Variants in PDGFC observed in about 807,000 individuals in gnomAD.
The protein encoded by PDGFC is platelet-derived growth factor C.
A neutral mutation model predicts 35.5 loss-of-function variants in PDGFC; 12 were observed. That is an observed-to-expected ratio of 0.34 (90% CI 0.22 to 0.55). PDGFC has a LOEUF of 0.55. Among genes scored for constraint, PDGFC ranks in the 20% least tolerant of loss-of-function variants. The pLI, the probability that PDGFC is intolerant of heterozygous loss-of-function variation, is 0.91. For synonymous variants in PDGFC, 159 were observed against 148.8 expected (o/e 1.07, Z -0.50); for missense variants, 322 against 412.4 (o/e 0.78, Z 1.90).
chr4:156,965,125 C>T (rs1346025116), intron 1 of PDGFC, among the ~76,000 whole-genome samples: 2 of 152,170 alleles, frequency 1.3e-5, no homozygotes, highest in African/African-American at 4.8e-5. Context: ...TTGGCACAAC[C>T]ATCACTACCA....
chr4:156,921,353 C>A (rs1731277090), intron 1 of PDGFC, among the ~76,000 whole-genome samples: 1 of 152,076 alleles, frequency 6.6e-6, no homozygotes, highest in South Asian at 2.1e-4. Flanking sequence ...ACTACCCACA[C>A]CCCAGCCTCA....
rs11323795 is a variant in PDGFC, at chr4:156,814,127, T to TA, written c.315-3111dup. On this transcript the variant is annotated intron_variant, in intron 2 of 5. Transcript: ENST00000502773. ...AAATCTCTATCTACTTTCTATGATT[T>TA]AAAAAAAAAATCCAGATTATCTTCA... 1.5e-4 allele frequency among the ~76,000 whole-genome samples: 22 copies of TA among 151,346 alleles called. No homozygotes were observed. The East Asian group carries it at 3.5e-3, about 24-fold the overall frequency.
chr4:156,946,002 G>T (rs2110922901), intron 1 of PDGFC, among the ~76,000 whole-genome samples: 1 of 152,166 alleles, frequency 6.6e-6, no homozygotes, highest in East Asian at 1.9e-4. Context: ...TAGTTATCAT[G>T]CCAACAAGAG....
chr4:156,850,296 A>G lies in PDGFC; in HGVS notation c.239T>C (p.Val80Ala). ...AAGTTGTATCCATACATTTTCCTCT[A>G]CTGCTACTAATCTCCATACCAAGAC... Reference protein sequence around the residue: ...NTVLVWRLVAVEENVWIQLTF... With the variant: ...NTVLVWRLVAAEENVWIQLTF... The change falls in exon 2 of 6, where the codon GTA (valine) becomes GCA (alanine). Residue 80 changes from valine (V) to alanine (A), a missense_variant. Val to Ala is a moderately conservative substitution (Grantham distance 64). Around this residue, in one of 2 missense-constraint regions of PDGFC, gnomAD observed 120 missense variants for 116.6 expected, o/e 1.03. Transcript: ENST00000502773. 1 of 1,610,944 alleles carries G rather than the reference A, an allele frequency of 6.2e-7. No individual in the cohort carries two copies. The highest frequency in any genetic ancestry group is 1.3e-5 in the African/African-American group (1 of 74,954).
chr4:156,793,616 T>C (rs972057892), intron 3 of PDGFC, among the ~76,000 whole-genome samples: 4 of 149,772 alleles, frequency 2.7e-5, no homozygotes, highest in African/African-American at 9.8e-5. Context: ...CTTTAAAATT[T>C]GTCCTTATAG....
At chr4:156,898,371 T>A (rs538972955) in intron 1 of PDGFC, among the ~76,000 whole-genome samples, 254 of 152,262 alleles carry the variant, frequency 1.7e-3, no homozygotes, top group Middle Eastern at 0.014. Context: ...AAAAAACAAG[T>A]TAAACACACT....
At chr4:156,897,147 G>A (rs982244075) in intron 1 of PDGFC, among the ~76,000 whole-genome samples, 18 of 152,222 alleles carry the variant, frequency 1.2e-4, no homozygotes, top group East Asian at 1.2e-3. Context: ...AGGCAGTAAG[G>A]TTAATTCTTC....
chr4:156,948,094 T>A (rs1461779878), intron 1 of PDGFC, among the ~76,000 whole-genome samples: 1 of 149,976 alleles, frequency 6.7e-6, no homozygotes, highest in Admixed American at 6.7e-5. Flanking sequence ...TGTCTATAAA[T>A]GAAGTCCATG....
At position 156,949,088 on chromosome 4, in the gene PDGFC, G is replaced by A. The variant is rs554647448; in HGVS notation, c.118+21698C>T. Among the ~76,000 whole-genome samples, 5 of 152,004 alleles carry A rather than the reference G, an allele frequency of 3.3e-5. No individual in the cohort carries two copies. In the South Asian group the frequency reaches 8.3e-4, roughly 25 times the overall value. ...CTCTGAAAACATCCAGTTCCTTGGTGATTTCTTCAAGAAAAGAGAGACTAT... is the reference window on the plus strand; with the variant it reads ...CTCTGAAAACATCCAGTTCCTTGGTAATTTCTTCAAGAAAAGAGAGACTAT... On this transcript the variant is annotated intron_variant, in intron 1 of 5. Coordinates refer to ENST00000502773, the MANE Select transcript of PDGFC (RefSeq NM_016205.3).
intron 1 of PDGFC, among the ~76,000 whole-genome samples, chr4:156,903,246 T>C: frequency 6.6e-6 from 1 of 152,120 alleles, no homozygotes; most frequent in East Asian, 1.9e-4. Context: ...AATATGATTA[T>C]GAAAATAATT....
chr4:156,966,395 T>C (rs1025834444), intron 1 of PDGFC, among the ~76,000 whole-genome samples: 1 of 152,132 alleles, frequency 6.6e-6, no homozygotes. Flanking sequence ...ACTTCTACCA[T>C]TTTGGTTGAT....
chr4:156,837,918 C>T (rs1729100504), intron 2 of PDGFC, among the ~76,000 whole-genome samples: 1 of 152,088 alleles, frequency 6.6e-6, no homozygotes, highest in South Asian at 2.1e-4. Context: ...AGCAGAATCC[C>T]TTGATCTCAG....
chr4:156,952,440 GT>G (rs1245839244), intron 1 of PDGFC, among the ~76,000 whole-genome samples: 2 of 151,854 alleles, frequency 1.3e-5, no homozygotes, highest in Admixed American at 1.3e-4. Flanking sequence ...AAAGTGTGGA[GT>G]TTTTTTGTTA....
intron 1 of PDGFC, among the ~76,000 whole-genome samples, chr4:156,925,364 C>T (rs906091491): frequency 6.6e-6 from 1 of 151,986 alleles, no homozygotes; most frequent in Non-Finnish European, 1.5e-5. Context: ...GCTCAAGATG[C>T]TACTGTGGTG....
chr4:156,771,848 AAACAGATAT>A (rs1446743812), intron 4 of PDGFC, among the ~76,000 whole-genome samples: 1 of 152,152 alleles, frequency 6.6e-6, no homozygotes, highest in Non-Finnish European at 1.5e-5. Context: ...TGACAGACTA[AAACAGATAT>A]TTTGAGTGCA....
chr4:156,800,387 G>A (rs1354898468), intron 3 of PDGFC, among the ~76,000 whole-genome samples: 1 of 152,002 alleles, frequency 6.6e-6, no homozygotes, highest in African/African-American at 2.4e-5. Context: ...CATAAAAATG[G>A]AAAGTTATAT....
At chr4:156,769,739 G>C (rs1578997346) in intron 4 of PDGFC, among the ~76,000 whole-genome samples, 1 of 151,880 alleles carries the variant, frequency 6.6e-6, no homozygotes, top group East Asian at 1.9e-4. Context: ...ATGCTAAATG[G>C]TATCACATAT....
intron 3 of PDGFC, among the ~76,000 whole-genome samples, chr4:156,800,830 A>C (rs1370931860): frequency 6.6e-6 from 1 of 152,214 alleles, no homozygotes; most frequent in Non-Finnish European, 1.5e-5. Flanking sequence ...TTTAACTTCC[A>C]AACTGCCCTT....
intron 1 of PDGFC, among the ~76,000 whole-genome samples, chr4:156,941,367 G>A (rs1250502366): frequency 2.6e-5 from 4 of 152,046 alleles, no homozygotes; most frequent in African/African-American, 4.8e-5. Flanking sequence ...GAAACTGCAC[G>A]GGATGACGGT....
Sources: allele counts gnomAD v4.1 joint callset (sites outside exome capture counted in the v4.1 genomes callset), GRCh38; gene constraint gnomAD v4.1.1; regional missense constraint gnomAD v4.1.1; transcripts MANE v1.5; gene names NCBI Gene and HGNC (gene_info 2026-07-23, HGNC 2026-07-21).